SOX5: variants seen among roughly 807,000 people sequenced by gnomAD.
The protein encoded by SOX5 is transcription factor SOX-5.
In SOX5, 9 loss-of-function variants were observed where a neutral mutation model predicts 92.0. The ratio of observed to expected loss-of-function variants is 0.10; its 90% CI spans 0.06 to 0.17. The LOEUF is 0.17. Ranked by LOEUF, SOX5 falls within the 10% of genes least tolerant of loss-of-function variation. SOX5 has a pLI of 1.00. For missense variants in SOX5, 642 were observed against 944.5 expected, an observed-to-expected ratio of 0.68 and a Z score of 4.20; for synonymous variants, 344 against 336.3, an observed-to-expected ratio of 1.02 and a Z score of -0.25.
At chr12:24,184,829 A>C (rs1264941293) in intron 4 of SOX5, among the ~76,000 whole-genome samples, 1 of 152,148 alleles carries the variant, frequency 6.6e-6, no homozygotes, top group Non-Finnish European at 1.5e-5. Flanking sequence ...AGGAAATCAG[A>C]TTTTTGGCTC....
At chr12:24,182,637 A>T (rs1955620068) in intron 4 of SOX5, among the ~76,000 whole-genome samples, 2 of 152,156 alleles carry the variant, frequency 1.3e-5, no homozygotes, top group African/African-American at 4.8e-5. Flanking sequence ...ACGTACTTTA[A>T]GGATAGATTA....
At chr12:24,306,599 G>A (rs1595412803) in intron 2 of SOX5, among the ~76,000 whole-genome samples, 1 of 152,166 alleles carries the variant, frequency 6.6e-6, no homozygotes, top group African/African-American at 2.4e-5. Flanking sequence ...CATCCAGCAA[G>A]GAGAAAGACA....
rs368148793 is a variant in SOX5 at position 24,158,792 on chromosome 12, G to A, written c.-2+54551C>T. On this transcript the variant is annotated intron_variant, in intron 4 of 4. Transcript: ENST00000446891. ...GAGCCCCTTGCTCTCTACTAACTTA[G>A]GTGACAGCATTTATGTCACCTAAGC... is the stretch of plus-strand genomic sequence containing the variant. 2.0e-5 allele frequency among the ~76,000 whole-genome samples: 3 copies of A among 151,908 alleles called. No individual in the cohort carries two copies. In the South Asian group the frequency reaches 6.2e-4, roughly 32 times the overall value.
intron 1 of SOX5, among the ~76,000 whole-genome samples, chr12:24,418,455 G>C (rs1156512979): frequency 1.3e-5 from 2 of 152,198 alleles, no homozygotes; most frequent in Non-Finnish European, 2.9e-5. Context: ...AAGGAAACAG[G>C]AATGAGATTT....
intron 4 of SOX5, among the ~76,000 whole-genome samples, chr12:24,092,743 C>A (rs1944808179): frequency 6.6e-6 from 1 of 152,206 alleles, no homozygotes; most frequent in African/African-American, 2.4e-5. Flanking sequence ...TCCACAAATT[C>A]CTTTCATTCC....
chr12:24,330,787 T>C (rs560615718), intron 2 of SOX5, among the ~76,000 whole-genome samples: 151 of 152,212 alleles, frequency 9.9e-4, no homozygotes, highest in Admixed American at 2.9e-3. Context: ...ACACAATCAT[T>C]TGATTGGAGT....
At chr12:24,354,779 A>T (rs1479489516) in intron 2 of SOX5, among the ~76,000 whole-genome samples, 1 of 152,164 alleles carries the variant, frequency 6.6e-6, no homozygotes, top group Non-Finnish European at 1.5e-5. Flanking sequence ...ATGGGTAGAG[A>T]AGAGTTCAGT....
intron 4 of SOX5, among the ~76,000 whole-genome samples, chr12:24,063,886 A>G (rs1308698271): frequency 6.6e-6 from 1 of 152,208 alleles, no homozygotes; most frequent in Non-Finnish European, 1.5e-5. Context: ...TATATGTCTA[A>G]TAAAAAATTC....
chr12:23,889,592 A>G (rs1291135908), intron 2 of SOX5, among the ~76,000 whole-genome samples: 2 of 152,180 alleles, frequency 1.3e-5, no homozygotes, highest in African/African-American at 2.4e-5. Flanking sequence ...TATCATGTGC[A>G]TTGAATGAAT....
chr12:23,999,742 C>T (rs150899460), intron 4 of SOX5, among the ~76,000 whole-genome samples: 2 of 151,814 alleles, frequency 1.3e-5, no homozygotes, highest in East Asian at 3.9e-4. Context: ...CAGAAAAAAA[C>T]TCAACTGTTA....
chr12:24,412,261 T>C (rs2136804753), intron 1 of SOX5, among the ~76,000 whole-genome samples: 1 of 152,232 alleles, frequency 6.6e-6, no homozygotes, highest in East Asian at 1.9e-4. Flanking sequence ...TTTTCATGGA[T>C]TATTTTTCTG....
chr12:24,148,504 AGAG>A (rs1361183974), intron 4 of SOX5, among the ~76,000 whole-genome samples: 2 of 67,686 alleles, frequency 3.0e-5, no homozygotes, highest in African/African-American at 5.6e-5. Flanking sequence ...AAAAAAAAAA[AGAG>A]AGAGAGAGAG....
At chr12:23,566,951 A>T (rs1197274642) in intron 10 of SOX5, among the ~76,000 whole-genome samples, 1 of 152,236 alleles carries the variant, frequency 6.6e-6, no homozygotes. Context: ...GGTAAAGCTG[A>T]TGGAAGAATT....
At chr12:23,548,535 T>G (rs565360289) in intron 11 of SOX5, among the ~76,000 whole-genome samples, 1 of 151,956 alleles carries the variant, frequency 6.6e-6, no homozygotes, top group South Asian at 2.1e-4. Context: ...CTAACAGACA[T>G]GAGAACAGGC....
chr12:24,324,869 G>A (rs908637955), intron 2 of SOX5, among the ~76,000 whole-genome samples: 1 of 151,972 alleles, frequency 6.6e-6, no homozygotes, highest in African/African-American at 2.4e-5. Context: ...TATTACTTTA[G>A]TTAGTACCTT....
At chr12:23,632,741 T>C (rs905963166) in intron 8 of SOX5, among the ~76,000 whole-genome samples, 34 of 152,196 alleles carry the variant, frequency 2.2e-4, no homozygotes, top group African/African-American at 7.7e-4. Flanking sequence ...ATACCTATGA[T>C]TGCTATGAAA....
At chr12:23,769,874 T>C (rs1300436415) in intron 3 of SOX5, among the ~76,000 whole-genome samples, 1 of 152,158 alleles carries the variant, frequency 6.6e-6, no homozygotes, top group Admixed American at 6.6e-5. Flanking sequence ...CCTAAATACA[T>C]TAAGCTTGAT....
At chr12:23,758,008 C>CAAAAAAAAAAAAAAAAAAAAAAAAAAAAA (rs34841595) in intron 3 of SOX5, among the ~76,000 whole-genome samples, 1 of 68,218 alleles carries the variant, frequency 1.5e-5, no homozygotes, top group Non-Finnish European at 2.4e-5. Context: ...GCACACACTA[C>CAAAAAAAAAAAAAAAAAAAAAAAAAAAAA]AAAAAAAAAA....
intron 3 of SOX5, among the ~76,000 whole-genome samples, chr12:24,216,035 T>C (rs772414685): frequency 1.3e-5 from 2 of 152,200 alleles, no homozygotes; most frequent in Non-Finnish European, 2.9e-5. Context: ...TATTAATATA[T>C]TTTTAAAAAT....
Sources: allele counts gnomAD v4.1 joint callset (sites outside exome capture counted in the v4.1 genomes callset), GRCh38; gene constraint gnomAD v4.1.1; transcripts MANE v1.5; gene names NCBI Gene and HGNC (gene_info 2026-07-23, HGNC 2026-07-21).